SLC4A5: variants seen among roughly 807,000 people sequenced by gnomAD.
The protein encoded by SLC4A5 is solute carrier family 4 member 5.
In SLC4A5, 96 loss-of-function variants were observed where a neutral mutation model predicts 120.4. That is an observed-to-expected ratio of 0.80 (90% CI 0.68 to 0.94). The LOEUF (loss-of-function observed/expected upper bound fraction) is 0.94, where lower values mean the gene tolerates loss of function less well. SLC4A5 is among the 40% of genes least tolerant of loss of function. The probability of loss-of-function intolerance (pLI) is 0.00; values close to 1 mark genes in which losing one functional copy is unlikely to be tolerated. For synonymous variants in SLC4A5, 550 were observed against 571.1 expected (o/e 0.96, Z 0.53); for missense variants, 1,259 against 1,459.5 (o/e 0.86, Z 2.24).
At chr2:74,221,211 C>G (rs1448950338) in intron 30 of SLC4A5, among the ~76,000 whole-genome samples, 1 of 152,098 alleles carries the variant, frequency 6.6e-6, no homozygotes, top group African/African-American at 2.4e-5. Context: ...AAGTTGAATA[C>G]CTTTGTGTGT....
In SLC4A5 at chr2:74,286,379, A is replaced by C. The variant is rs1671983262; in HGVS notation, c.272-477T>G. Reference sequence around the variant, plus strand: ...TGTGGGCCCACTTTCTTCCTGGGCAAGATGGCAGTCCATTTCCTGAGGCCC... The same window carrying C: ...TGTGGGCCCACTTTCTTCCTGGGCACGATGGCAGTCCATTTCCTGAGGCCC... On this transcript the variant is annotated intron_variant, in intron 7 of 30. Coordinates refer to ENST00000394019, the Ensembl canonical transcript of SLC4A5. Among the ~76,000 whole-genome samples, 7 of 152,214 alleles carry C rather than the reference A, an allele frequency of 4.6e-5. No individual in the cohort carries two copies. The South Asian group carries it at 1.4e-3, about 32-fold the overall frequency.
At chr2:74,247,784 G>A (rs979442026) in intron 18 of SLC4A5, among the ~76,000 whole-genome samples, 2 of 152,070 alleles carry the variant, frequency 1.3e-5, no homozygotes, top group Non-Finnish European at 2.9e-5. Context: ...CAAAGTGCTG[G>A]GATTGCAGGT....
intron 7 of SLC4A5, among the ~76,000 whole-genome samples, chr2:74,295,938 G>A (rs868430580): frequency 6.6e-6 from 1 of 152,182 alleles, no homozygotes; most frequent in South Asian, 2.1e-4. Context: ...TTTAAGCAAA[G>A]GTGTGGGCCT....
intron 16 of SLC4A5, 150 bp from the exon 17 acceptor site, chr2:74,250,667 CCAGGGA>C: frequency 1.1e-6 from 1 of 892,828 alleles, no homozygotes; most frequent in Non-Finnish European, 1.7e-6. Context: ...ACATTTAGGG[CCAGGGA>C]TGAATTCCTG....
intron 2 of SLC4A5, among the ~76,000 whole-genome samples, chr2:74,342,201 T>A (rs1224917159): frequency 6.6e-6 from 1 of 152,234 alleles, no homozygotes; most frequent in East Asian, 1.9e-4. Flanking sequence ...CTCTACTATC[T>A]GTTTCTTGTG....
intron 2 of SLC4A5, chr2:74,339,411 A>T (rs1307855361): frequency 6.6e-6 from 1 of 152,248 alleles, no homozygotes; most frequent in African/African-American, 2.4e-5. Flanking sequence ...AGAAAAAAAT[A>T]AATAGATTTT....
chr2:74,252,934 G>T (rs760862282), intron 15 of SLC4A5, 40 bp downstream of exon 15: 1 of 1,607,178 alleles, frequency 6.2e-7, no homozygotes, highest in Non-Finnish European at 8.5e-7. Context: ...CAGAGTTGAA[G>T]CCTCCTTTTT....
intron 5 of SLC4A5, among the ~76,000 whole-genome samples, chr2:74,322,113 A>G (rs1673113428): frequency 6.6e-6 from 1 of 152,124 alleles, no homozygotes; most frequent in African/African-American, 2.4e-5. Flanking sequence ...AACAAGGCAG[A>G]AGGATAAGAC....
chr2:74,224,181 G>A (rs1694760292), intron 28 of SLC4A5, among the ~76,000 whole-genome samples: 1 of 152,154 alleles, frequency 6.6e-6, no homozygotes, highest in African/African-American at 2.4e-5. Context: ...CATGTTTTGT[G>A]ATTCACTATA....
intron 19 of SLC4A5, among the ~76,000 whole-genome samples, chr2:74,242,902 TCTCAGC>T (rs1419258944): frequency 6.6e-6 from 1 of 152,120 alleles, no homozygotes; most frequent in African/African-American, 2.4e-5. Context: ...GATCTGCCTA[TCTCAGC>T]CTCCCAAAGT....
At chr2:74,254,810 A>G in intron 13 of SLC4A5, 104 bp from the exon 14 acceptor site, 1 of 834,616 alleles carries the variant, frequency 1.2e-6, no homozygotes, top group Non-Finnish European at 1.9e-6. Context: ...GGCCCTGAAC[A>G]GTATGCATTT....
At chr2:74,218,573 C>T (rs1694514672) in exon 31 of SLC4A5, 1 of 152,562 alleles carries the variant, frequency 6.6e-6, no homozygotes, top group Non-Finnish European at 1.5e-5. Flanking sequence ...AAGACCCTCC[C>T]AGTGAAGACT....
chr2:74,254,195 C>G (rs1214709676), intron 14 of SLC4A5, among the ~76,000 whole-genome samples: 1 of 151,850 alleles, frequency 6.6e-6, no homozygotes, highest in Admixed American at 6.6e-5. Context: ...GCTCACCTCT[C>G]CAGTATTACC....
At chr2:74,303,535 TCA>T (rs1672540843) in intron 7 of SLC4A5, among the ~76,000 whole-genome samples, 1 of 152,228 alleles carries the variant, frequency 6.6e-6, no homozygotes, top group African/African-American at 2.4e-5. Context: ...CAGTAAAATG[TCA>T]CATTTGTGCT....
chr2:74,287,249 T>C (rs1437792568), intron 7 of SLC4A5, among the ~76,000 whole-genome samples: 10 of 152,140 alleles, frequency 6.6e-5, no homozygotes, highest in Admixed American at 5.9e-4. Context: ...AGCCAGGCAA[T>C]GCCCAAACAA....
intron 25 of SLC4A5, among the ~76,000 whole-genome samples, chr2:74,230,899 C>G (rs370336052): frequency 6.6e-6 from 1 of 152,014 alleles, no homozygotes; most frequent in South Asian, 2.1e-4. Flanking sequence ...CTCCACCTCC[C>G]GGGTTCAAGC....
chr2:74,305,994 T>C (rs557933291), intron 6 of SLC4A5, among the ~76,000 whole-genome samples: 1 of 152,094 alleles, frequency 6.6e-6, no homozygotes, highest in Non-Finnish European at 1.5e-5. Context: ...AAAGTGCCGG[T>C]ATTATAGGCG....
chr2:74,301,128 T>C (rs1369917874), intron 7 of SLC4A5, among the ~76,000 whole-genome samples: 2 of 152,150 alleles, frequency 1.3e-5, no homozygotes, highest in East Asian at 1.9e-4. Flanking sequence ...GCAGCATATA[T>C]TAAAGCCACC....
intron 22 of SLC4A5, 102 bp from the exon 23 acceptor site, chr2:74,233,665 G>A: frequency 2.2e-6 from 3 of 1,382,176 alleles, no homozygotes; most frequent in Non-Finnish European, 2.9e-6. Flanking sequence ...CCCTGACTTT[G>A]GGTACTTTTC....
Sources: allele counts gnomAD v4.1 joint callset (sites outside exome capture counted in the v4.1 genomes callset), GRCh38; gene constraint gnomAD v4.1.1; transcripts MANE v1.5; gene names NCBI Gene and HGNC (gene_info 2026-07-23, HGNC 2026-07-21).